ZNF454: variants seen among roughly 807,000 people sequenced by gnomAD.
The protein encoded by ZNF454 is zinc finger protein 454.
Under a neutral mutation model 48.2 loss-of-function variants are expected in ZNF454, and 30 were observed. That is an observed-to-expected ratio of 0.62 (90% confidence interval 0.47 to 0.84). The LOEUF (loss-of-function observed/expected upper bound fraction) is 0.84, where lower values mean the gene tolerates loss of function less well. Ranked by LOEUF, ZNF454 falls within the 40% of genes least tolerant of loss-of-function variation. The probability of loss-of-function intolerance (pLI) is 0.00; values close to 1 mark genes in which losing one functional copy is unlikely to be tolerated. For synonymous variants in ZNF454, 204 were observed against 211.4 expected (o/e 0.97, Z 0.30); for missense variants, 510 against 623.1 (o/e 0.82, Z 1.93).
the ZNF454 span, chr5:178,986,082 C>CG: frequency 6.4e-7 from 1 of 1,563,456 alleles, no homozygotes; most frequent in Non-Finnish European, 8.7e-7. Flanking sequence ...TGTAACGTTG[C>CG]GGACAGTCCC....
At chr5:178,978,439 A>G in the ZNF454 span, 9 of 152,378 alleles carry the variant, frequency 5.9e-5, no homozygotes, top group Admixed American at 2.6e-4. Context: ...TCTAAAGAGC[A>G]AAAAGGATAA....
chr5:178,948,953 A>C (rs980028198), intron 4 of ZNF454, among the ~76,000 whole-genome samples: 6 of 150,830 alleles, frequency 4.0e-5, no homozygotes, highest in Admixed American at 2.6e-4. Context: ...CCCAGGCTGG[A>C]GTGCAGTGGT....
chr5:178,986,123 G>A, the ZNF454 span: 5 of 1,612,496 alleles, frequency 3.1e-6, no homozygotes, highest in Non-Finnish European at 4.2e-6. Flanking sequence ...GGAGCCTACG[G>A]ACCCACCTGC....
chr5:178,977,766 G>A, the ZNF454 span, among the ~76,000 whole-genome samples: 2 of 151,944 alleles, frequency 1.3e-5, no homozygotes, highest in African/African-American at 4.8e-5. Context: ...ATGGTGTTTT[G>A]CCGAGATGGT....
chr5:178,982,726 TAAGAA>T, the ZNF454 span: 2 of 558,162 alleles, frequency 3.6e-6, no homozygotes, highest in Non-Finnish European at 6.3e-6. Context: ...GAGTGGAAGT[TAAGAA>T]GAGGGGTTAG....
At chr5:178,986,190 G>T in the ZNF454 span, 1 of 1,614,138 alleles carries the variant, frequency 6.2e-7, no homozygotes, top group Non-Finnish European at 8.5e-7. Context: ...TGAAGGGAGG[G>T]GGTGTGACCG....
rs78107268 is a variant in ZNF454 at position 178,958,845 on chromosome 5, A to G, written c.251-5810A>G. ...ACCCTCTTTTTTAAAGTATCTATAC[A>G]TCTTTGCCCCACTTTTATTTTGTTG... On this transcript the variant is annotated intron_variant, in intron 4 of 4. Coordinates refer to ENST00000519564, the MANE Select transcript of ZNF454 (RefSeq NM_001178089.3). 9.7e-3 allele frequency among the ~76,000 whole-genome samples: 1,479 copies of G among 152,292 alleles called. 7 individuals are homozygous for G. The highest frequency in any genetic ancestry group is 0.015 in the Non-Finnish European group (1,044 of 68,020).
chr5:178,971,033 G>T (rs1760226832), downstream of ZNF454, among the ~76,000 whole-genome samples: 2 of 152,234 alleles, frequency 1.3e-5, no homozygotes, highest in Non-Finnish European at 2.9e-5. Context: ...GGCACCAGAT[G>T]CTGTTGTAAG....
rs993560057 is a variant in ZNF454, at chr5:178,946,457, G to A, written c.132G>A (p.Leu44=). 3 of 1,603,612 alleles carry A rather than the reference G, an allele frequency of 1.9e-6. No individual in the cohort carries two copies. Among genetic ancestry groups the A allele is most frequent in the African/African-American group, 2.7e-5 (2 of 74,138 alleles). The change falls in exon 3 of 5, where the codon CTG becomes CTA. Residue 44 remains leucine, a synonymous_variant. Transcript: ENST00000519564. This position sits in a 1 kb window ranked among gnomAD's most constrained non-coding sequence, Gnocchi z 4.5. ...AQRALYRDVM[L]ENYSNLVSLG... ...GGGCCCTGTACAGGGACGTGATGCT[G>A]GAGAACTACAGCAACCTGGTCTCAC...
In ZNF454 at chr5:178,965,972, G is replaced by C. The variant is rs769251449; in HGVS notation, c.1568G>C (p.Ter523SerextTer15). The C allele has an allele frequency of 1.3e-6, 2 of 1,557,694 alleles. No homozygotes were observed. The highest frequency in any genetic ancestry group is 1.2e-5 in the South Asian group (1 of 81,868). Residue 523 changes from the stop codon to serine, a stop_lost, in exon 5 of 5, where the codon TGA becomes TCA. Transcript: ENST00000519564. The surrounding 1 kb of genome is among the most constrained non-coding windows in gnomAD (Gnocchi z 5.2). ...QHQRHHIGEK[*>S] The stretch of plus-strand genomic sequence containing the variant: ...CAGAGACATCATATTGGAGAGAAGT[G>C]ATATGAATGCAGTTTGTATGGAAGA...
At position 178,951,566 on chromosome 5, in the gene ZNF454, T is replaced by C. The variant is rs571967330; in HGVS notation, c.250+4580T>C. 1.3e-4 allele frequency among the ~76,000 whole-genome samples: 20 copies of C among 152,330 alleles called. No homozygotes were observed. The South Asian group carries it at 3.9e-3, about 30-fold the overall frequency. On this transcript the variant is annotated intron_variant, in intron 4 of 4. Transcript: ENST00000519564. The stretch of plus-strand genomic sequence containing the variant: ...GTATGTACTTTACTGTAGAAACCTT[T>C]CTACAACTGGCTTTTTTCAGATCCA...
intron 4 of ZNF454, among the ~76,000 whole-genome samples, chr5:178,951,316 G>A (rs1449599260): frequency 1.3e-5 from 2 of 152,164 alleles, no homozygotes; most frequent in Non-Finnish European, 2.9e-5. Context: ...AGAATGATAA[G>A]GAAGAAAGGC....
Position 178,965,733 on chromosome 5 carries a change from CAT to C in ZNF454, c.1332_1333del (p.Ile444MetfsTer2), listed in dbSNP as rs1561709487. ...HTGEKPYTCN[I>X]CEKAFSDHSA... ...CTGGGGAAAAACCTTATACATGTAA[CAT>C]ATGTGAAAAAGCCTTCAGTGACCAT... On this transcript the variant is annotated frameshift_variant, in exon 5 of 5. Transcript: ENST00000519564. LOFTEE classifies it high-confidence loss of function. The surrounding 1 kb of genome is among the most constrained non-coding windows in gnomAD (Gnocchi z 5.2). The C allele has an allele frequency of 2.5e-6, 4 of 1,614,114 alleles. No homozygotes were observed. In the East Asian group the frequency reaches 6.7e-5, roughly 27 times the overall value.
the ZNF454 span, among the ~76,000 whole-genome samples, chr5:178,982,262 G>A: frequency 0.026 from 3,900 of 152,300 alleles, 80 homozygotes; most frequent in South Asian, 0.074. Context: ...ATGGGCTGAC[G>A]CATTAATGGG....
chr5:178,943,431 A>G (rs1037725984), intron 2 of ZNF454, among the ~76,000 whole-genome samples: 4 of 152,126 alleles, frequency 2.6e-5, no homozygotes, highest in African/African-American at 2.4e-5. Flanking sequence ...GCACTAAGCC[A>G]TTCACGAGGG....
chr5:178,948,626 G>A (rs1355975555), intron 4 of ZNF454, among the ~76,000 whole-genome samples: 5 of 152,104 alleles, frequency 3.3e-5, no homozygotes, highest in African/African-American at 4.8e-5. Context: ...CTCTGTTCCC[G>A]CAGGCATGAT....
At chr5:178,951,803 AGGTACT>A (rs1032979557) in intron 4 of ZNF454, among the ~76,000 whole-genome samples, 1 of 152,276 alleles carries the variant, frequency 6.6e-6, no homozygotes, top group African/African-American at 2.4e-5. Context: ...ATAGATGTAG[AGGTACT>A]GGATTTAAGG....
the ZNF454 span, chr5:178,986,601 G>T: frequency 6.2e-7 from 1 of 1,604,796 alleles, no homozygotes. Flanking sequence ...ATGTGAACTC[G>T]TCCACCTGGA....
chr5:178,961,640 A>T (rs1439063472), intron 4 of ZNF454, among the ~76,000 whole-genome samples: 2 of 151,024 alleles, frequency 1.3e-5, no homozygotes, highest in Non-Finnish European at 1.5e-5. Context: ...ACACGGTGAA[A>T]CCCTGTCTCT....
Sources: gnomAD v4.1 joint callset for allele counts (sites outside exome capture counted in the v4.1 genomes callset) on GRCh38, gnomAD v4.1.1 for gene constraint, Gnocchi (gnomAD v3.1) non-coding constraint, MANE v1.5 for transcripts, NCBI Gene and HGNC (gene_info 2026-07-23, HGNC 2026-07-21) for gene names.